DAB1: variants seen among roughly 807,000 people sequenced by gnomAD.
DAB1 encodes disabled homolog 1.
A neutral mutation model predicts 64.6 loss-of-function variants in DAB1; 15 were observed. That is an observed-to-expected ratio of 0.23 (90% CI 0.16 to 0.36). The LOEUF (loss-of-function observed/expected upper bound fraction) is 0.36, where lower values mean the gene tolerates loss of function less well. Ranked by LOEUF, DAB1 falls within the 10% of genes least tolerant of loss-of-function variation. The probability of loss-of-function intolerance (pLI) is 1.00; values close to 1 mark genes in which losing one functional copy is unlikely to be tolerated. For synonymous variants in DAB1, 235 were observed against 251.9 expected (o/e 0.93, Z 0.64); for missense variants, 596 against 706.7 (o/e 0.84, Z 1.78).
intron 6 of DAB1, among the ~76,000 whole-genome samples, chr1:57,790,821 G>T (rs997660053): frequency 6.6e-6 from 1 of 152,102 alleles, no homozygotes; most frequent in Admixed American, 6.6e-5. Flanking sequence ...TTTGAGTTTG[G>T]GTTCCTCAAT....
intron 5 of DAB1, among the ~76,000 whole-genome samples, chr1:57,891,916 G>A (rs564276891): frequency 1.3e-5 from 2 of 152,262 alleles, no homozygotes; most frequent in East Asian, 1.9e-4. Flanking sequence ...ATGGGTGCAG[G>A]AAACCACCAT....
chr1:57,226,672 A>AATATATAT (rs61660460), intron 2 of DAB1, among the ~76,000 whole-genome samples: 34 of 136,000 alleles, frequency 2.5e-4, no homozygotes, highest in African/African-American at 4.0e-4. Context: ...TTAAAAAAAA[A>AATATATAT]ATATATATAT....
At chr1:58,290,916 A>T (rs1661812804) in intron 4 of DAB1, among the ~76,000 whole-genome samples, 1 of 152,132 alleles carries the variant, frequency 6.6e-6, no homozygotes, top group African/African-American at 2.4e-5. Context: ...AGGGTCAGCC[A>T]ATGTAGAGAA....
At chr1:58,142,129 T>G (rs942232109) in intron 5 of DAB1, among the ~76,000 whole-genome samples, 1 of 152,060 alleles carries the variant, frequency 6.6e-6, no homozygotes, top group African/African-American at 2.4e-5. Flanking sequence ...ATAAGAGGCA[T>G]GGACACTCCT....
chr1:58,354,032 A>G (rs965652857), intron 3 of DAB1, among the ~76,000 whole-genome samples: 4 of 152,108 alleles, frequency 2.6e-5, no homozygotes, highest in Non-Finnish European at 5.9e-5. Flanking sequence ...CACTAATTGA[A>G]CAAATATTTA....
At position 57,325,640 on chromosome 1, in the gene DAB1, C is replaced by T. The variant is rs185677586; in HGVS notation, c.-136-34474G>A. Among the ~76,000 whole-genome samples the T allele has an allele frequency of 4.0e-3, 615 of 152,258 alleles. 2 individuals carry two copies. The highest frequency in any genetic ancestry group is 5.6e-3 in the Non-Finnish European group (381 of 68,008). The stretch of plus-strand genomic sequence containing the variant: ...AGCTCCTGAAGGATGCAGACTGTGT[C>T]TTTTTTATCACTTCTCCTCCTCCAG... On this transcript the variant is annotated intron_variant, in intron 1 of 14. Transcript: ENST00000371236.
intron 9 of DAB1, among the ~76,000 whole-genome samples, chr1:57,034,777 G>A (rs1647085019): frequency 6.6e-6 from 1 of 152,206 alleles, no homozygotes; most frequent in South Asian, 2.1e-4. Flanking sequence ...CGCATGAATA[G>A]TTTTGAGGAG....
chr1:57,584,132 C>G (rs1645349878), intron 7 of DAB1, among the ~76,000 whole-genome samples: 1 of 152,216 alleles, frequency 6.6e-6, no homozygotes, highest in South Asian at 2.1e-4. Flanking sequence ...CACTCATAAA[C>G]TGTTGAGTGT....
chr1:58,349,956 C>A (rs1358549972), intron 3 of DAB1, among the ~76,000 whole-genome samples: 2 of 152,138 alleles, frequency 1.3e-5, no homozygotes, highest in African/African-American at 4.8e-5. Flanking sequence ...GATTTATAAT[C>A]CTCTGGGTAT....
At chr1:57,774,077 A>C (rs903877328) in intron 6 of DAB1, among the ~76,000 whole-genome samples, 1 of 151,824 alleles carries the variant, frequency 6.6e-6, no homozygotes, top group African/African-American at 2.4e-5. Flanking sequence ...TTGAATCATG[A>C]GTTAATCTGG....
chr1:57,925,800 G>A (rs1020234632), intron 5 of DAB1, among the ~76,000 whole-genome samples: 3 of 152,160 alleles, frequency 2.0e-5, no homozygotes, highest in Non-Finnish European at 4.4e-5. Context: ...GATTGTGGAG[G>A]AGGGGGATGG....
intron 1 of DAB1, among the ~76,000 whole-genome samples, chr1:57,379,950 C>G (rs952978104): frequency 3.3e-5 from 5 of 152,216 alleles, no homozygotes; most frequent in Non-Finnish European, 5.9e-5. Flanking sequence ...GTGATATTAG[C>G]TCATATGTGA....
At chr1:57,858,042 A>G (rs980173159) in intron 1 of DAB1, among the ~76,000 whole-genome samples, 1 of 152,084 alleles carries the variant, frequency 6.6e-6, no homozygotes, top group African/African-American at 2.4e-5. Flanking sequence ...TCCTGAGTCT[A>G]TTAACTCTTA....
intron 2 of DAB1, among the ~76,000 whole-genome samples, chr1:57,163,131 A>C (rs1022311083): frequency 1.3e-5 from 2 of 152,198 alleles, no homozygotes; most frequent in African/African-American, 4.8e-5. Flanking sequence ...AACCAGAGGG[A>C]GGAAGCTCCC....
chr1:58,225,405 G>A (rs1484655765), intron 4 of DAB1, among the ~76,000 whole-genome samples: 5 of 151,856 alleles, frequency 3.3e-5, no homozygotes, highest in African/African-American at 1.2e-4. Flanking sequence ...TCAGTGTGGC[G>A]ATTCCTCAGG....
intron 3 of DAB1, among the ~76,000 whole-genome samples, chr1:58,411,897 G>T (rs1359786533): frequency 6.6e-6 from 1 of 152,096 alleles, no homozygotes; most frequent in East Asian, 1.9e-4. Context: ...TCCTACAGTG[G>T]GCTCTTAGGA....
intron 9 of DAB1, among the ~76,000 whole-genome samples, chr1:57,053,642 A>ATCTCTCTC (rs146813079): frequency 0.32 from 39,614 of 125,412 alleles, 6,899 homozygotes; most frequent in Middle Eastern, 0.4. Context: ...CCATCTAAGA[A>ATCTCTCTC]TCTCTCTCTC....
intron 6 of DAB1, among the ~76,000 whole-genome samples, chr1:57,792,826 T>C (rs1385864600): frequency 6.6e-6 from 1 of 152,208 alleles, no homozygotes. Context: ...GCTCAATACA[T>C]ATTTTTAAGC....
At chr1:58,203,274 A>G (rs181313032) in intron 4 of DAB1, among the ~76,000 whole-genome samples, 1 of 152,184 alleles carries the variant, frequency 6.6e-6, no homozygotes, top group African/African-American at 2.4e-5. Context: ...GTGATCAAAC[A>G]TTTTATCTGT....
Sources: allele counts gnomAD v4.1 joint callset (sites outside exome capture counted in the v4.1 genomes callset), GRCh38; gene constraint gnomAD v4.1.1; transcripts MANE v1.5; gene names NCBI Gene and HGNC (gene_info 2026-07-23, HGNC 2026-07-21).